RP1: variants seen among roughly 807,000 people sequenced by gnomAD.
RP1 encodes the protein RP1 axonemal microtubule associated.
RP1 carries 16 observed loss-of-function variants against 14.8 expected under a neutral mutation model. That is an observed-to-expected ratio of 1.08 (90% CI 0.73 to 1.65). The LOEUF is 1.65. Among genes scored for constraint, RP1 ranks in the 40% most tolerant of loss-of-function variants. The pLI, the probability that RP1 is intolerant of heterozygous loss-of-function variation, is 0.00. For synonymous variants in RP1, 876 were observed against 883.6 expected, an observed-to-expected ratio of 0.99 and a Z score of 0.15; for missense variants, 2,631 against 2,535.0, an observed-to-expected ratio of 1.04 and a Z score of -0.81.
intron 15 of RP1, among the ~76,000 whole-genome samples, chr8:54,707,266 G>A (rs1323231629): frequency 6.6e-6 from 1 of 152,152 alleles, no homozygotes; most frequent in East Asian, 1.9e-4. Flanking sequence ...TGTGACTACA[G>A]GCGCATGCCA....
At chr8:54,828,632 T>C (rs534472758) in intron 24 of RP1, among the ~76,000 whole-genome samples, 13 of 152,192 alleles carry the variant, frequency 8.5e-5, no homozygotes, top group Admixed American at 3.9e-4. Context: ...CAGCCTCAGG[T>C]ATTCCTTTAT....
chr8:54,843,525 C>T (rs1327554644), intron 25 of RP1, among the ~76,000 whole-genome samples: 9 of 152,142 alleles, frequency 5.9e-5, no homozygotes, highest in Admixed American at 2.0e-4. Context: ...ACATGTTTAA[C>T]GCTGAATCTC....
chr8:54,649,734 A>C (rs1214943117), intron 4 of RP1, among the ~76,000 whole-genome samples: 12 of 152,210 alleles, frequency 7.9e-5, no homozygotes, highest in Admixed American at 7.9e-4. Context: ...TAATGGATGC[A>C]CAGAAGGATT....
intron 1 of RP1, among the ~76,000 whole-genome samples, chr8:54,597,260 A>G (rs184178883): frequency 6.6e-6 from 1 of 152,232 alleles, no homozygotes; most frequent in East Asian, 1.9e-4. Flanking sequence ...CAGTTTTTCT[A>G]CTTGGAAAAA....
chr8:54,801,971 C>T (rs552567494), intron 24 of RP1, among the ~76,000 whole-genome samples: 2 of 152,172 alleles, frequency 1.3e-5, no homozygotes, highest in Admixed American at 6.5e-5. Flanking sequence ...TCTGAGCTCA[C>T]GCTATGAATA....
chr8:54,613,532 C>G (rs1805645192), upstream of RP1, among the ~76,000 whole-genome samples: 1 of 152,180 alleles, frequency 6.6e-6, no homozygotes, highest in Non-Finnish European at 1.5e-5. Flanking sequence ...AGAAGTTACA[C>G]TTCTGGTGCT....
intron 12 of RP1, among the ~76,000 whole-genome samples, chr8:54,689,026 A>G (rs936572789): frequency 1.3e-5 from 2 of 152,152 alleles, no homozygotes; most frequent in African/African-American, 4.8e-5. Flanking sequence ...GAGGTCCTTG[A>G]CATCCCTTGT....
chr8:54,869,477 G>A (rs1585762660), intron 28 of RP1, among the ~76,000 whole-genome samples: 2 of 152,184 alleles, frequency 1.3e-5, no homozygotes, highest in East Asian at 3.9e-4. Flanking sequence ...AGAGTCTGAG[G>A]GTTTAGCCAC....
chr8:54,707,073 C>T (rs1808169309), intron 15 of RP1, among the ~76,000 whole-genome samples: 1 of 152,158 alleles, frequency 6.6e-6, no homozygotes, highest in African/African-American at 2.4e-5. Flanking sequence ...CCTGAATTTC[C>T]ACCACTGGAA....
intron 12 of RP1, chr8:54,696,447 T>C (rs1807864238): frequency 6.1e-6 from 5 of 822,446 alleles, no homozygotes; most frequent in African/African-American, 3.4e-5. Flanking sequence ...GAAAGTCTCC[T>C]GAAAAAGAGG....
intron 27 of RP1, among the ~76,000 whole-genome samples, chr8:54,864,087 T>C (rs1478019283): frequency 6.6e-6 from 1 of 152,180 alleles, no homozygotes; most frequent in African/African-American, 2.4e-5. Context: ...TAAATGGGGT[T>C]ATAGACATAA....
chr8:54,739,493 AG>A (rs1223773527), intron 19 of RP1, among the ~76,000 whole-genome samples: 1 of 151,648 alleles, frequency 6.6e-6, no homozygotes, highest in African/African-American at 2.4e-5. Context: ...TTCTTGCGAA[AG>A]GTTTTTTTTA....
At chr8:54,604,254 C>T (rs541346090) in intron 1 of RP1, among the ~76,000 whole-genome samples, 1 of 152,146 alleles carries the variant, frequency 6.6e-6, no homozygotes, top group African/African-American at 2.4e-5. Context: ...TGAAGAGTTG[C>T]TGAATTTTGT....
At chr8:54,747,662 A>G (rs1467502344) in intron 19 of RP1, among the ~76,000 whole-genome samples, 3 of 152,230 alleles carry the variant, frequency 2.0e-5, no homozygotes, top group Non-Finnish European at 4.4e-5. Flanking sequence ...GCACTTTGGG[A>G]GCCCAAGGCC....
intron 1 of RP1, among the ~76,000 whole-genome samples, chr8:54,572,199 G>T (rs1586390668): frequency 6.6e-6 from 1 of 152,194 alleles, no homozygotes; most frequent in Non-Finnish European, 1.5e-5. Context: ...AAAATAAGAG[G>T]TCATCTGCCT....
At chr8:54,672,203 C>A (rs1364365048) in intron 7 of RP1, among the ~76,000 whole-genome samples, 4 of 152,160 alleles carry the variant, frequency 2.6e-5, no homozygotes, top group Non-Finnish European at 5.9e-5. Flanking sequence ...TGTCTTTTAG[C>A]CTTCCAAACT....
At chr8:54,563,219 G>A (rs1229087902) in intron 1 of RP1, among the ~76,000 whole-genome samples, 1 of 152,214 alleles carries the variant, frequency 6.6e-6, no homozygotes, top group Non-Finnish European at 1.5e-5. Context: ...GCTTCCTAAG[G>A]AGATCTGAGA....
At chr8:54,590,051 A>G (rs543903926) in intron 1 of RP1, among the ~76,000 whole-genome samples, 16 of 152,196 alleles carry the variant, frequency 1.1e-4, no homozygotes, top group Admixed American at 3.9e-4. Context: ...TTCTGCTTCT[A>G]TGAAAGAAGC....
Position 54,824,957 on chromosome 8 carries a change from T to TA in RP1, c.3616-12493_3616-12492insA, listed in dbSNP as rs1175264675. ...CTCAGAGCTAACACTATTCTTTTTC[T>TA]TTCTTTTTTTTTTTTAATTTATTTA... is the stretch of plus-strand genomic sequence containing the variant. On this transcript the variant is annotated intron_variant, in intron 24 of 28. Transcript: ENST00000637698. Among the ~76,000 whole-genome samples the TA allele has an allele frequency of 4.8e-3, 359 of 74,120 alleles. 1 individual carries two copies. The highest frequency in any genetic ancestry group is 9.0e-3 in the Non-Finnish European group (276 of 30,706). The allele number at this position is 74,120 out of a possible 152,430, so 48.6% of individuals were successfully genotyped here. A position where few individuals can be genotyped will look rare whatever the true frequency, so the allele number is the denominator to read the frequency against.
Sources: gnomAD v4.1 joint callset for allele counts (sites outside exome capture counted in the v4.1 genomes callset) on GRCh38, gnomAD v4.1.1 for gene constraint, MANE v1.5 for transcripts, NCBI Gene and HGNC (gene_info 2026-07-23, HGNC 2026-07-21) for gene names.